Variants in ZSCAN18 observed in about 807,000 individuals in gnomAD.
ZSCAN18 encodes the protein zinc finger and SCAN domain-containing protein 18.
In ZSCAN18, 16 loss-of-function variants were observed where a neutral mutation model predicts 31.1. The ratio of observed to expected loss-of-function variants is 0.51; its 90% CI spans 0.35 to 0.78. The LOEUF (loss-of-function observed/expected upper bound fraction) is 0.78. Ranked by LOEUF, ZSCAN18 falls within the 30% of genes least tolerant of loss-of-function variation. The probability of loss-of-function intolerance (pLI) is 0.01; values close to 1 mark genes in which losing one functional copy is unlikely to be tolerated. For synonymous variants in ZSCAN18, 375 were observed against 320.7 expected, an observed-to-expected ratio of 1.17 and a Z score of -1.81; for missense variants, 731 against 697.4, an observed-to-expected ratio of 1.05 and a Z score of -0.54.
intron 1 of ZSCAN18, among the ~76,000 whole-genome samples, chr19:58,109,859 G>A (rs1221504013): frequency 6.6e-6 from 1 of 151,930 alleles, no homozygotes; most frequent in Non-Finnish European, 1.5e-5. Flanking sequence ...ACACCTGCAT[G>A]GTAGGAAGAG....
chr19:58,105,362 T>C (rs1445255864), intron 1 of ZSCAN18, among the ~76,000 whole-genome samples: 3 of 152,226 alleles, frequency 2.0e-5, no homozygotes, highest in African/African-American at 7.2e-5. Context: ...TCCAGTCTTC[T>C]TATTTAAGAA....
chr19:58,109,316 A>G, intron 1 of ZSCAN18: 1 of 1,231,566 alleles, frequency 8.1e-7, no homozygotes, highest in Non-Finnish European at 1.0e-6. Flanking sequence ...GGAAAGGAAA[A>G]GGGGAAAATT....
chr19:58,104,396 ACAAAAC>A (rs1568642737), intron 1 of ZSCAN18, among the ~76,000 whole-genome samples: 9 of 131,404 alleles, frequency 6.8e-5, no homozygotes, highest in African/African-American at 3.8e-4. Flanking sequence ...ACAAAACAAA[ACAAAAC>A]AAAAAAAAAG....
At chr19:58,085,678 T>A (rs371592266) in intron 6 of ZSCAN18, 1 of 459,390 alleles carries the variant, frequency 2.2e-6, no homozygotes, top group Non-Finnish European at 3.9e-6. Context: ...GGTCTCCACC[T>A]GGCCACTAGC....
chr19:58,089,507 T>TC (rs2074366143), intron 2 of ZSCAN18, among the ~76,000 whole-genome samples: 1 of 152,038 alleles, frequency 6.6e-6, no homozygotes, highest in East Asian at 1.9e-4. Context: ...GCGCCTGTAA[T>TC]CCCAGCTACT....
intron 1 of ZSCAN18, among the ~76,000 whole-genome samples, chr19:58,116,761 G>A (rs1489270036): frequency 2.0e-5 from 3 of 152,244 alleles, no homozygotes; most frequent in Non-Finnish European, 2.9e-5. Flanking sequence ...AGTAAGGAGA[G>A]TGTTTAGAGG....
intron 1 of ZSCAN18, chr19:58,109,384 AT>A: frequency 4.9e-6 from 6 of 1,228,160 alleles, no homozygotes; most frequent in Non-Finnish European, 6.1e-6. Flanking sequence ...AAACATTAAA[AT>A]CAGCCAGGCC....
At chr19:58,102,317 C>T (rs1029033632), upstream of ZSCAN18, among the ~76,000 whole-genome samples, 10 of 151,942 alleles carry the variant, frequency 6.6e-5, no homozygotes, top group Non-Finnish European at 1.2e-4. Context: ...AAAAATTAGC[C>T]GGGCATGGTG....
rs1482624675 is a variant in ZSCAN18 at position 58,088,812 on chromosome 19, G to C, written c.429C>G (p.Gly143=). Residue 143 remains glycine (G), a synonymous_variant, in exon 3 of 7, where the codon GGC becomes GGG. Transcript: ENST00000601144. ...EPGMLLGSPA[G]SSSILSDGVY... ...CTCCATCGCTAAGAATTGAGGATGA[G>C]CCCGCAGGGGAGCCCAGCAGCATCC... The C allele has an allele frequency of 4.3e-6, 7 of 1,612,540 alleles. No homozygotes were observed. Among genetic ancestry groups the C allele is most frequent in the East Asian group, 2.2e-5 (1 of 44,862 alleles).
intron 1 of ZSCAN18, among the ~76,000 whole-genome samples, chr19:58,115,987 A>C (rs1453542178): frequency 2.6e-5 from 4 of 151,964 alleles, no homozygotes; most frequent in African/African-American, 9.7e-5. Context: ...AGACAAAAAA[A>C]ACTGTGGCAT....
chr19:58,108,177 G>A, intron 1 of ZSCAN18: 1 of 985,916 alleles, frequency 1.0e-6, no homozygotes, highest in South Asian at 4.7e-5. Flanking sequence ...ACACATATAG[G>A]GTCTCTTTCC....
intron 5 of ZSCAN18, chr19:58,086,650 G>C (rs2074286559): frequency 2.0e-6 from 1 of 505,174 alleles, no homozygotes; most frequent in Non-Finnish European, 3.5e-6. Flanking sequence ...TGGCAATGTG[G>C]GCGCCTTGGG....
At chr19:58,100,390 T>C (rs2074583616), upstream of ZSCAN18, among the ~76,000 whole-genome samples, 2 of 152,164 alleles carry the variant, frequency 1.3e-5, no homozygotes, top group African/African-American at 4.8e-5. Context: ...AGCACTCAGA[T>C]GTGTTCACCA....
intron 1 of ZSCAN18, chr19:58,097,857 C>T (rs2074550545): frequency 1.1e-6 from 1 of 935,366 alleles, no homozygotes; most frequent in Non-Finnish European, 1.3e-6. Context: ...TTCCTGTTCT[C>T]CCACCCACAG....
chr19:58,111,147 G>C (rs934115653), intron 1 of ZSCAN18, among the ~76,000 whole-genome samples: 1 of 148,132 alleles, frequency 6.8e-6, no homozygotes, highest in Non-Finnish European at 1.5e-5. Context: ...CAGCCTGGGC[G>C]ACAGAGCAAG....
At chr19:58,093,224 A>G (rs1264099840) in intron 1 of ZSCAN18, 1 of 152,426 alleles carries the variant, frequency 6.6e-6, no homozygotes, top group Non-Finnish European at 1.5e-5. Context: ...ACTGGAATGC[A>G]TACCCAGGAG....
chr19:58,108,022 G>A lies in ZSCAN18; in HGVS notation c.130+10245C>T. ...GTTACAGCCACAGACCTTCTCACCA[G>A]TATGAATCCTCTTGTGCCTGATGAG... is the stretch of plus-strand genomic sequence containing the variant. On this transcript the variant is annotated intron_variant, in intron 1 of 1. Coordinates refer to the ZSCAN18 transcript ENST00000595721. 2.9e-6 allele frequency: 3 copies of A among 1,022,018 alleles called. No individual in the cohort carries two copies. The South Asian group carries it at 1.3e-4, about 45-fold the overall frequency. The allele number at this position is 1,022,018 out of a possible 1,614,324, so 63.3% of individuals were successfully genotyped here.
chr19:58,097,571 C>T (rs1248967259), intron 1 of ZSCAN18, among the ~76,000 whole-genome samples: 7 of 145,488 alleles, frequency 4.8e-5, no homozygotes, highest in Admixed American at 4.1e-4. Context: ...CTAGGCACCC[C>T]TTTGGTCCCC....
At chr19:58,107,961 A>G in intron 1 of ZSCAN18, 1 of 1,065,226 alleles carries the variant, frequency 9.4e-7, no homozygotes, top group Non-Finnish European at 1.2e-6. Flanking sequence ...CTGGTGCCAG[A>G]TGAGGCCCGC....
Sources: gnomAD v4.1 joint callset for allele counts (sites outside exome capture counted in the v4.1 genomes callset) on GRCh38, gnomAD v4.1.1 for gene constraint, MANE v1.5 for transcripts, NCBI Gene and HGNC (gene_info 2026-07-23, HGNC 2026-07-21) for gene names.